Variants in CCDC170 observed in about 807,000 individuals in gnomAD.
CCDC170 encodes the protein coiled-coil domain-containing protein 170.
CCDC170 carries 69 observed loss-of-function variants against 72.6 expected under a neutral mutation model. The observed-to-expected ratio is 0.95, with a 90% confidence interval of 0.78 to 1.16. The LOEUF (loss-of-function observed/expected upper bound fraction) is 1.16. Among genes scored for constraint, CCDC170 ranks in the 50% most tolerant of loss-of-function variants. CCDC170 has a pLI of 0.00. For synonymous variants in CCDC170, 300 were observed against 303.9 expected (o/e 0.99, Z 0.13); for missense variants, 852 against 832.5 (o/e 1.02, Z -0.29).
intron 1 of CCDC170, among the ~76,000 whole-genome samples, chr6:151,514,780 C>T (rs909820240): frequency 7.2e-5 from 11 of 152,110 alleles, no homozygotes; most frequent in Admixed American, 3.3e-4. Context: ...AAGGTTAGGT[C>T]GGCACAAAGT....
At chr6:151,497,911 GGTTGC>G (rs1781933051) in intron 1 of CCDC170, among the ~76,000 whole-genome samples, 1 of 143,068 alleles carries the variant, frequency 7.0e-6, no homozygotes, top group Admixed American at 7.2e-5. Context: ...GGGAGGCAGA[GGTTGC>G]AGTGAGCCAA....
intron 5 of CCDC170, among the ~76,000 whole-genome samples, chr6:151,562,935 A>G (rs975270337): frequency 4.6e-5 from 7 of 152,064 alleles, no homozygotes; most frequent in Non-Finnish European, 1.0e-4. Flanking sequence ...TCCCTATCAA[A>G]CCCCTGTTGC....
intron 6 of CCDC170, among the ~76,000 whole-genome samples, chr6:151,584,359 A>G (rs571021025): frequency 6.0e-4 from 91 of 152,164 alleles, no homozygotes; most frequent in African/African-American, 2.2e-3. Flanking sequence ...CTCACAGGGA[A>G]GAGTTTTTCC....
At chr6:151,510,746 C>CTT (rs140157286) in intron 1 of CCDC170, among the ~76,000 whole-genome samples, 5 of 148,126 alleles carry the variant, frequency 3.4e-5, no homozygotes, top group African/African-American at 9.9e-5. Context: ...TTTTCTTCTT[C>CTT]TTTTTTTTTT....
At chr6:151,601,475 G>T (rs921486381) in intron 9 of CCDC170, among the ~76,000 whole-genome samples, 10 of 152,022 alleles carry the variant, frequency 6.6e-5, no homozygotes, top group Non-Finnish European at 2.9e-5. Flanking sequence ...GTGTTCTCCA[G>T]AAAAACAGAA....
At chr6:151,516,399 A>G (rs1782236261) in intron 1 of CCDC170, among the ~76,000 whole-genome samples, 2 of 152,162 alleles carry the variant, frequency 1.3e-5, no homozygotes, top group South Asian at 2.1e-4. Context: ...TGTTATTTTT[A>G]GTTGATAGAT....
intron 9 of CCDC170, among the ~76,000 whole-genome samples, chr6:151,611,019 T>A (rs1776861203): frequency 6.6e-6 from 1 of 152,194 alleles, no homozygotes; most frequent in African/African-American, 2.4e-5. Flanking sequence ...AAAGGTGTCT[T>A]AGTCTCTCAG....
intron 5 of CCDC170, among the ~76,000 whole-genome samples, chr6:151,561,871 A>C (rs1436853606): frequency 6.6e-6 from 1 of 152,152 alleles, no homozygotes; most frequent in Non-Finnish European, 1.5e-5. Flanking sequence ...AGATTTGTGA[A>C]GATTTGGTCA....
chr6:151,548,204 C>T lies in CCDC170; in HGVS notation c.589-100C>T, dbSNP rs1203884839. The T allele has an allele frequency of 1.8e-5, 19 of 1,062,258 alleles. No individual in the cohort carries two copies. The Admixed American group carries it at 5.0e-4, about 28-fold the overall frequency. 65.8% of individuals were successfully genotyped at this position (1,062,258 alleles called of 1,614,324 possible). ...AGTCCATGTAGGGATAGTGCTCTTACATTTTTCATATGATAATGCAGTCTA... is the reference window on the plus strand; with the variant it reads ...AGTCCATGTAGGGATAGTGCTCTTATATTTTTCATATGATAATGCAGTCTA... On this transcript the variant is annotated intron_variant, in intron 4 of 10. Transcript: ENST00000239374.
Position 151,535,658 on chromosome 6 carries a change from GTTC to G in CCDC170, c.58-655_58-653del, listed in dbSNP as rs537876217. Reference sequence around the variant, plus strand: ...CCCTCGTTACACAGGATGTAGCATTGTTCTTCTCTGATAATTCTTTGTTGAGTC... The same window carrying G: ...CCCTCGTTACACAGGATGTAGCATTGTTCTCTGATAATTCTTTGTTGAGTC... On this transcript the variant is annotated intron_variant, in intron 1 of 10. Transcript: ENST00000239374. Among the ~76,000 whole-genome samples, 365 of 152,294 alleles carry G rather than the reference GTTC, an allele frequency of 2.4e-3. 1 individual carries two copies. The highest frequency in any genetic ancestry group is 8.6e-3 in the African/African-American group (356 of 41,560).
rs368600106 is a variant in CCDC170 at position 151,610,275 on chromosome 6, C to CAT, written c.1711-5161_1711-5160dup. On this transcript the variant is annotated intron_variant, in intron 9 of 10. Transcript: ENST00000239374. ...CTTATGTAACTTATAATTATGTATA[C>CAT]ATATATATCAAAAAAATTCTACTAG... Among the ~76,000 whole-genome samples, 66 of 152,198 alleles carry CAT rather than the reference C, an allele frequency of 4.3e-4. 1 individual carries two copies. Among genetic ancestry groups the CAT allele is most frequent in the African/African-American group, 1.5e-3 (64 of 41,522 alleles).
chr6:151,568,730 T>C (rs1223693882), intron 5 of CCDC170, among the ~76,000 whole-genome samples: 2 of 152,218 alleles, frequency 1.3e-5, no homozygotes, highest in South Asian at 4.1e-4. Context: ...TAACTGTATC[T>C]TGGAGAATCA....
intron 9 of CCDC170, among the ~76,000 whole-genome samples, chr6:151,612,564 T>C (rs1217570909): frequency 6.6e-6 from 1 of 152,184 alleles, no homozygotes; most frequent in Non-Finnish European, 1.5e-5. Flanking sequence ...AGGAAGGCTT[T>C]CCTGCAGCCT....
chr6:151,556,505 A>G (rs1298897522), intron 5 of CCDC170, among the ~76,000 whole-genome samples: 1 of 152,166 alleles, frequency 6.6e-6, no homozygotes, highest in African/African-American at 2.4e-5. Flanking sequence ...AAGTAATACA[A>G]TTTTATTCCT....
chr6:151,574,950 C>T (rs79784073), intron 6 of CCDC170, among the ~76,000 whole-genome samples: 1,856 of 152,232 alleles, frequency 0.012, 39 homozygotes, highest in African/African-American at 0.042. Context: ...GTGGCCTGAA[C>T]AGTCTTTCAG....
At chr6:151,522,680 C>T (rs754690962) in intron 1 of CCDC170, among the ~76,000 whole-genome samples, 6 of 152,176 alleles carry the variant, frequency 3.9e-5, no homozygotes, top group South Asian at 2.1e-4. Context: ...ACCATTGCTC[C>T]GTCTTTAAGG....
intron 1 of CCDC170, among the ~76,000 whole-genome samples, chr6:151,510,011 T>A (rs1782126147): frequency 6.6e-6 from 1 of 152,144 alleles, no homozygotes; most frequent in South Asian, 2.1e-4. Context: ...TAATCCCAGC[T>A]ACTCAGGAGG....
intron 5 of CCDC170, among the ~76,000 whole-genome samples, chr6:151,563,051 C>T (rs1350462207): frequency 6.6e-6 from 1 of 152,176 alleles, no homozygotes; most frequent in Non-Finnish European, 1.5e-5. Context: ...CCAAAATGGG[C>T]TGAGGGGAGA....
intron 1 of CCDC170, among the ~76,000 whole-genome samples, chr6:151,508,526 G>A (rs943472797): frequency 2.0e-5 from 3 of 151,330 alleles, no homozygotes; most frequent in Non-Finnish European, 2.9e-5. Context: ...TGACAAGAAC[G>A]AAACTCCATC....
Sources: allele counts gnomAD v4.1 joint callset (sites outside exome capture counted in the v4.1 genomes callset), GRCh38; gene constraint gnomAD v4.1.1; transcripts MANE v1.5; gene names NCBI Gene and HGNC (gene_info 2026-07-23, HGNC 2026-07-21).